Variants in TRAPPC12 observed in about 807,000 individuals in gnomAD.
TRAPPC12 encodes trafficking protein particle complex subunit 12.
In TRAPPC12, 61 loss-of-function variants were observed where a neutral mutation model predicts 69.2. That is an observed-to-expected ratio of 0.88 (90% CI 0.72 to 1.09). The LOEUF is 1.09. Among genes scored for constraint, TRAPPC12 ranks in the 50% least tolerant of loss-of-function variants. The pLI is 0.00. For synonymous variants in TRAPPC12, 469 were observed against 438.9 expected (o/e 1.07, Z -0.86); for missense variants, 1,101 against 1,016.4 (o/e 1.08, Z -1.13).
Position 3,423,065 on chromosome 2 carries a change from G to T in TRAPPC12, c.1278+1071G>T, listed in dbSNP as rs560026829. Among the ~76,000 whole-genome samples, 64 of 152,314 alleles carry T rather than the reference G, an allele frequency of 4.2e-4. 1 individual carries two copies. The South Asian group carries it at 0.013, about 31-fold the overall frequency. ...GGCCGTAGTGCACTTTGTTGATCAG[G>T]TGTTGGCACTAGCTCAACACCAATA... On this transcript the variant is annotated intron_variant, in intron 4 of 11. Coordinates refer to ENST00000324266, the MANE Select transcript of TRAPPC12 (RefSeq NM_016030.6).
At position 3,479,257 on chromosome 2, in the gene TRAPPC12, C is replaced by T; in HGVS notation, c.2004C>T (p.Gly668=). Residue 668 remains glycine (G), a synonymous_variant, in exon 12 of 12, where the codon GGC becomes GGT. Coordinates refer to ENST00000324266, the MANE Select transcript of TRAPPC12 (RefSeq NM_016030.6). ...CTGCCGTGTGTCTGCTCTACCTGGG[C>T]AAGCTCAAGGACTCCCTGCGGCAGC... ...NNAAVCLLYL[G]KLKDSLRQLE... The T allele has an allele frequency of 3.1e-6, 5 of 1,614,114 alleles. No individual in the cohort carries two copies. In the South Asian group the frequency reaches 3.3e-5, roughly 11 times the overall value.
intron 3 of TRAPPC12, among the ~76,000 whole-genome samples, chr2:3,409,328 A>G (rs1178785287): frequency 1.3e-5 from 2 of 152,252 alleles, no homozygotes; most frequent in East Asian, 1.9e-4. Context: ...AACTGGAACT[A>G]TAGACAAATA....
Position 3,458,010 on chromosome 2 carries a change from A to G in TRAPPC12, c.1603+317A>G, listed in dbSNP as rs990619224. The G allele has an allele frequency of 9.3e-6, 11 of 1,189,022 alleles. No homozygotes were observed. The Admixed American group carries it at 1.3e-4, about 14-fold the overall frequency. 73.7% of individuals were successfully genotyped at this position (1,189,022 alleles called of 1,614,324 possible). A position where few individuals can be genotyped will look rare whatever the true frequency, so the allele number is the denominator to read the frequency against. On this transcript the variant is annotated intron_variant, in intron 7 of 11. Coordinates refer to ENST00000324266, the MANE Select transcript of TRAPPC12 (RefSeq NM_016030.6). Reference sequence around the variant, plus strand: ...GCGAGGAAGGAGCCCAGCCCAGCCGAAGGGGCCCAGAGGGGCCTCTGCGTC... The same window carrying G: ...GCGAGGAAGGAGCCCAGCCCAGCCGGAGGGGCCCAGAGGGGCCTCTGCGTC...
At chr2:3,399,520 G>A (rs905942849) in intron 2 of TRAPPC12, among the ~76,000 whole-genome samples, 2 of 152,178 alleles carry the variant, frequency 1.3e-5, no homozygotes, top group African/African-American at 2.4e-5. Flanking sequence ...TTTCCTCAAT[G>A]TGAGAAAACG....
At chr2:3,443,323 A>G (rs1273450181) in intron 5 of TRAPPC12, among the ~76,000 whole-genome samples, 1 of 152,224 alleles carries the variant, frequency 6.6e-6, no homozygotes, top group Non-Finnish European at 1.5e-5. Context: ...TTTTCCCGGG[A>G]GCACTTCCGG....
intron 5 of TRAPPC12, among the ~76,000 whole-genome samples, chr2:3,424,883 G>T (rs540412793): frequency 6.6e-6 from 1 of 152,220 alleles, no homozygotes; most frequent in Non-Finnish European, 1.5e-5. Context: ...TGTACATTTA[G>T]CAGCTACGTG....
intron 6 of TRAPPC12, chr2:3,449,502 G>T (rs566233601): frequency 6.6e-6 from 1 of 152,370 alleles, no homozygotes; most frequent in South Asian, 2.1e-4. Flanking sequence ...CGTGCACTCC[G>T]GAAAAGAAAC....
rs757581275 is a variant in TRAPPC12 at position 3,388,075 on chromosome 2, C to T, written c.452C>T (p.Pro151Leu). The T allele has an allele frequency of 3.9e-6, 6 of 1,532,186 alleles. No homozygotes were observed. The highest frequency in any genetic ancestry group is 3.9e-5 in the Admixed American group (2 of 50,734). 94.9% of individuals were successfully genotyped at this position (1,532,186 alleles called of 1,614,324 possible). A position where few individuals can be genotyped will look rare whatever the true frequency, so the allele number is the denominator to read the frequency against. Reference protein sequence around the residue: ...GSEAARPEQEPPVAEPVPVCT... With the variant: ...GSEAARPEQELPVAEPVPVCT... ...GAAGCCGCGCGCCCGGAGCAGGAGC[C>T]TCCCGTTGCGGAGCCGGTCCCGGTG... Residue 151 changes from proline to leucine, a missense_variant, in exon 2 of 12, where the codon CCT (proline) becomes CTT (leucine). Pro to Leu is a moderately conservative substitution (Grantham distance 98). Transcript: ENST00000324266.
At chr2:3,396,831 T>C (rs561750204) in intron 2 of TRAPPC12, among the ~76,000 whole-genome samples, 1 of 152,350 alleles carries the variant, frequency 6.6e-6, no homozygotes, top group East Asian at 1.9e-4. Context: ...CTTTAAACTC[T>C]TGAGAACATT....
At chr2:3,431,450 T>C (rs1047063611) in intron 5 of TRAPPC12, among the ~76,000 whole-genome samples, 2 of 152,258 alleles carry the variant, frequency 1.3e-5, no homozygotes, top group Non-Finnish European at 2.9e-5. Flanking sequence ...TTTTTGTTTT[T>C]GTTTGTCTTA....
chr2:3,404,732 G>A (rs1410322871), intron 3 of TRAPPC12, among the ~76,000 whole-genome samples: 3 of 152,172 alleles, frequency 2.0e-5, no homozygotes, highest in Middle Eastern at 3.4e-3. Context: ...GGTACACGGC[G>A]TCTTCTTGAG....
At chr2:3,384,593 C>T (rs983574762) in intron 1 of TRAPPC12, among the ~76,000 whole-genome samples, 9 of 152,170 alleles carry the variant, frequency 5.9e-5, no homozygotes, top group East Asian at 1.9e-4. Context: ...TTTAATCTAT[C>T]GCATTAAACC....
At position 3,458,206 on chromosome 2, in the gene TRAPPC12, A is replaced by G. The variant is rs1665285057; in HGVS notation, c.1603+513A>G. 5.0e-6 allele frequency: 5 copies of G among 997,778 alleles called. No homozygotes were observed. The South Asian group carries it at 2.1e-4, about 43-fold the overall frequency. 61.8% of individuals were successfully genotyped at this position (997,778 alleles called of 1,614,324 possible). On this transcript the variant is annotated intron_variant, in intron 7 of 11. Coordinates refer to ENST00000324266, the MANE Select transcript of TRAPPC12 (RefSeq NM_016030.6). ...CCCTTGGGGGACTGGGTGGGTTGAC[A>G]TGAGCTGATCTGCACAGTGAGGCCA...
chr2:3,418,634 C>T lies in TRAPPC12; in HGVS notation c.1165-3247C>T, dbSNP rs188635470. Among the ~76,000 whole-genome samples the T allele has an allele frequency of 3.1e-4, 47 of 152,294 alleles. No individual in the cohort carries two copies. The South Asian group carries it at 3.3e-3, about 11-fold the overall frequency. ...AACCTTATCACCGTGCAGGTGCACACGAGGCTGGGCTCTGGGTTCCTGTGA... is the reference window on the plus strand; with the variant it reads ...AACCTTATCACCGTGCAGGTGCACATGAGGCTGGGCTCTGGGTTCCTGTGA... On this transcript the variant is annotated intron_variant, in intron 3 of 11. Coordinates refer to ENST00000324266, the MANE Select transcript of TRAPPC12 (RefSeq NM_016030.6).
At chr2:3,426,518 G>T (rs899844073) in intron 5 of TRAPPC12, among the ~76,000 whole-genome samples, 1 of 152,224 alleles carries the variant, frequency 6.6e-6, no homozygotes, top group Non-Finnish European at 1.5e-5. Context: ...CAGGAGCTCT[G>T]TCTGCCGTGG....
At chr2:3,390,286 A>C (rs1389517433) in intron 2 of TRAPPC12, among the ~76,000 whole-genome samples, 2 of 152,218 alleles carry the variant, frequency 1.3e-5, no homozygotes, top group Non-Finnish European at 2.9e-5. Context: ...TAGCCTCTCT[A>C]AGGCAGCCCA....
At chr2:3,395,441 A>G (rs770195865) in intron 2 of TRAPPC12, among the ~76,000 whole-genome samples, 10 of 146,556 alleles carry the variant, frequency 6.8e-5, no homozygotes, top group Non-Finnish European at 1.2e-4. Flanking sequence ...TTTTTTTACT[A>G]TTCTATGTCT....
rs762463682 is a variant in TRAPPC12, at chr2:3,479,280, A to T, written c.2027A>T (p.Gln676Leu). 6.2e-7 allele frequency: 1 copy of T among 1,614,168 alleles called. No homozygotes were observed. Among genetic ancestry groups the T allele is most frequent in the East Asian group, 2.2e-5 (1 of 44,884 alleles). Residue 676 changes from glutamine (Q) to leucine (L), a missense_variant, in exon 12 of 12, where the codon CAG (glutamine) becomes CTG (leucine). Gln to Leu is a moderately radical substitution (Grantham distance 113). Transcript: ENST00000324266. ...GGCAAGCTCAAGGACTCCCTGCGGC[A>T]GCTGGAGGCCATGGTCCAGCAGGAC... ...YLGKLKDSLR[Q>L]LEAMVQQDPR...
intron 5 of TRAPPC12, among the ~76,000 whole-genome samples, chr2:3,442,576 A>T (rs1319298276): frequency 6.6e-6 from 1 of 152,266 alleles, no homozygotes; most frequent in East Asian, 1.9e-4. Flanking sequence ...GCATCAAAAA[A>T]GAAAGTTTAA....
Sources: allele counts gnomAD v4.1 joint callset (sites outside exome capture counted in the v4.1 genomes callset), GRCh38; gene constraint gnomAD v4.1.1; transcripts MANE v1.5; gene names NCBI Gene and HGNC (gene_info 2026-07-23, HGNC 2026-07-21).